Variants in EOGT observed in about 807,000 individuals in gnomAD.
EOGT encodes EGF domain specific O-linked N-acetylglucosamine transferase.
EOGT carries 55 observed loss-of-function variants against 70.5 expected under a neutral mutation model. That is an observed-to-expected ratio of 0.78 (90% CI 0.63 to 0.98). The LOEUF (loss-of-function observed/expected upper bound fraction) is 0.98, where lower values mean the gene tolerates loss of function less well. Ranked by LOEUF, EOGT falls within the 50% of genes least tolerant of loss-of-function variation. The probability of loss-of-function intolerance (pLI) is 0.00; values close to 1 mark genes in which losing one functional copy is unlikely to be tolerated. For synonymous variants in EOGT, 246 were observed against 217.1 expected (o/e 1.13, Z -1.17); for missense variants, 703 against 641.9 (o/e 1.10, Z -1.03).
At chr3:68,978,785 T>C (rs1011652182) in intron 16 of EOGT, among the ~76,000 whole-genome samples, 1 of 152,152 alleles carries the variant, frequency 6.6e-6, no homozygotes, top group Non-Finnish European at 1.5e-5. Context: ...AACTAAATAG[T>C]GAAGGATGCA....
At chr3:68,981,616 A>C (rs1575709265) in intron 15 of EOGT, among the ~76,000 whole-genome samples, 1 of 152,218 alleles carries the variant, frequency 6.6e-6, no homozygotes, top group Non-Finnish European at 1.5e-5. Context: ...AGCAACAGGA[A>C]TTACCCAAAC....
At chr3:68,984,267 T>C (rs955297144) in intron 14 of EOGT, among the ~76,000 whole-genome samples, 1 of 151,922 alleles carries the variant, frequency 6.6e-6, no homozygotes, top group Non-Finnish European at 1.5e-5. Flanking sequence ...CATGGAAATT[T>C]CCCTCTCCAG....
chr3:68,990,380 T>G (rs1305691857), intron 10 of EOGT, among the ~76,000 whole-genome samples: 1 of 134,346 alleles, frequency 7.4e-6, no homozygotes, highest in Non-Finnish European at 1.5e-5. Context: ...TGAGACTGAG[T>G]CTCACCCTGT....
chr3:69,011,278 T>C (rs984753732), intron 3 of EOGT, among the ~76,000 whole-genome samples: 1 of 150,566 alleles, frequency 6.6e-6, no homozygotes, highest in East Asian at 1.9e-4. Context: ...TGCTGTTTCC[T>C]GGGTCATACC....
intron 15 of EOGT, among the ~76,000 whole-genome samples, chr3:68,981,000 A>C (rs2090623825): frequency 6.6e-6 from 1 of 152,156 alleles, no homozygotes; most frequent in South Asian, 2.1e-4. Flanking sequence ...AGCCTCATCT[A>C]GGTGAATGGT....
In EOGT at chr3:68,983,580, C is replaced by T. The variant is rs529326193; in HGVS notation, c.1153-708G>A. Among the ~76,000 whole-genome samples the T allele has an allele frequency of 2.8e-3, 427 of 152,222 alleles. 3 individuals carry two copies. Among genetic ancestry groups the T allele is most frequent in the Non-Finnish European group, 4.8e-3 (325 of 68,040 alleles). The stretch of plus-strand genomic sequence containing the variant: ...ATGCACTGCACTGCAACAGCAACAT[C>T]AACAGTTGCAAGTATCATTGATGGG... On this transcript the variant is annotated intron_variant, in intron 14 of 17. Coordinates refer to ENST00000383701, the MANE Select transcript of EOGT (RefSeq NM_001278689.2).
chr3:68,991,411 T>C (rs1460625673), intron 10 of EOGT, among the ~76,000 whole-genome samples: 1 of 152,224 alleles, frequency 6.6e-6, no homozygotes, highest in African/African-American at 2.4e-5. Context: ...TGAAAGGACA[T>C]ATGTGTTTAT....
In EOGT at chr3:69,005,471, C is replaced by T. The variant is rs138232674; in HGVS notation, c.421-237G>A. Reference sequence around the variant, plus strand: ...TAAGTTACCATGGAAAACTCCCCAACGATCTGTCACCTCAAATTTTAAAGC... The same window carrying T: ...TAAGTTACCATGGAAAACTCCCCAATGATCTGTCACCTCAAATTTTAAAGC... On this transcript the variant is annotated intron_variant, in intron 6 of 17. Coordinates refer to ENST00000383701, the MANE Select transcript of EOGT (RefSeq NM_001278689.2). Among the ~76,000 whole-genome samples the T allele has an allele frequency of 1.6e-3, 244 of 152,218 alleles. 1 individual carries two copies. Among genetic ancestry groups the T allele is most frequent in the African/African-American group, 5.3e-3 (222 of 41,532 alleles).
chr3:68,994,895 G>C (rs1207041097), intron 10 of EOGT, among the ~76,000 whole-genome samples: 1 of 152,172 alleles, frequency 6.6e-6, no homozygotes, highest in Non-Finnish European at 1.5e-5. Context: ...TGTTTGATAA[G>C]AGCAACCCTG....
At chr3:68,984,154 T>C (rs948704318) in intron 14 of EOGT, among the ~76,000 whole-genome samples, 14 of 152,072 alleles carry the variant, frequency 9.2e-5, no homozygotes, top group African/African-American at 3.4e-4. Flanking sequence ...GTGCACTCTA[T>C]TGTCCTGCTT....
intron 8 of EOGT, among the ~76,000 whole-genome samples, chr3:69,004,060 A>G (rs770741542): frequency 6.6e-6 from 1 of 152,202 alleles, no homozygotes; most frequent in Admixed American, 6.5e-5. Flanking sequence ...TTTGACCTCA[A>G]AAATTAACAT....
intron 10 of EOGT, among the ~76,000 whole-genome samples, chr3:68,996,087 AAAAG>A (rs2107292214): frequency 6.6e-6 from 1 of 152,364 alleles, no homozygotes; most frequent in Admixed American, 6.5e-5. Context: ...CAAAAAGAAG[AAAAG>A]AAAGGGATTG....
At chr3:69,003,443 A>G (rs7619027) in intron 8 of EOGT, among the ~76,000 whole-genome samples, 1 of 151,976 alleles carries the variant, frequency 6.6e-6, no homozygotes, top group Admixed American at 6.6e-5. Context: ...AAGATCTGAT[A>G]GTTTTATAAA....
At position 69,010,695 on chromosome 3, in the gene EOGT, C is replaced by T. The variant is rs1451738933; in HGVS notation, c.-14-835G>A. 2.0e-5 allele frequency among the ~76,000 whole-genome samples: 3 copies of T among 152,200 alleles called. No individual in the cohort carries two copies. The East Asian group carries it at 5.8e-4, about 29-fold the overall frequency. The stretch of plus-strand genomic sequence containing the variant: ...TGTTTATTAAATAAAAGTTTAAAGC[C>T]ATGTGGGGCAGAGAAGGGGCCTAAA... On this transcript the variant is annotated intron_variant, in intron 3 of 17. Coordinates refer to ENST00000383701, the MANE Select transcript of EOGT (RefSeq NM_001278689.2).
chr3:69,003,637 T>C (rs1302333774), intron 8 of EOGT, among the ~76,000 whole-genome samples: 3 of 146,118 alleles, frequency 2.1e-5, no homozygotes, highest in Admixed American at 1.3e-4. Flanking sequence ...TAAACTTCTA[T>C]GAGTCTAAAA....
intron 10 of EOGT, 103 bp from the exon 11 acceptor site, chr3:68,989,120 CA>C: frequency 1.7e-6 from 1 of 594,366 alleles, no homozygotes; most frequent in Admixed American, 3.6e-5. Flanking sequence ...TAAAAACTAA[CA>C]ATCCTACGCA....
intron 6 of EOGT, among the ~76,000 whole-genome samples, 200 bp downstream of exon 6, chr3:69,007,513 G>A (rs1042150550): frequency 9.9e-6 from 1 of 101,314 alleles, no homozygotes; most frequent in East Asian, 2.8e-4. Context: ...TTAGCGGGGG[G>A]GGGTGGCACG....
chr3:68,989,623 T>C (rs994897892), intron 10 of EOGT, among the ~76,000 whole-genome samples: 22 of 151,662 alleles, frequency 1.5e-4, no homozygotes, highest in Admixed American at 6.6e-4. Flanking sequence ...TGGCATGTGC[T>C]TATAATCCCA....
chr3:69,011,861 T>G (rs576227613), intron 3 of EOGT, 75 bp downstream of exon 3: 2 of 152,326 alleles, frequency 1.3e-5, no homozygotes, highest in Non-Finnish European at 2.9e-5. Context: ...AAGAATGAGT[T>G]GACAGCAGTT....
Sources: gnomAD v4.1 joint callset for allele counts (sites outside exome capture counted in the v4.1 genomes callset) on GRCh38, gnomAD v4.1.1 for gene constraint, MANE v1.5 for transcripts, NCBI Gene and HGNC (gene_info 2026-07-23, HGNC 2026-07-21) for gene names.